The following SHANK2 variants were observed in gnomAD, a reference collection of about 807,000 sequenced individuals.
SHANK2 encodes SH3 and multiple ankyrin repeat domains protein 2.
Under a neutral mutation model 133.7 loss-of-function variants are expected in SHANK2, and 43 were observed. The observed-to-expected ratio is 0.32, with a 90% CI of 0.25 to 0.41. The LOEUF (loss-of-function observed/expected upper bound fraction) is 0.41, where lower values mean the gene tolerates loss of function less well. SHANK2 is among the 10% of genes least tolerant of loss of function. SHANK2 has a pLI of 1.00. For synonymous variants in SHANK2, 1,017 were observed against 952.8 expected, an observed-to-expected ratio of 1.07 and a Z score of -1.24; for missense variants, 1,994 against 2,235.8, an observed-to-expected ratio of 0.89 and a Z score of 2.18.
chr11:70,518,302 C>A (rs2059290048), intron 17 of SHANK2, among the ~76,000 whole-genome samples: 1 of 152,200 alleles, frequency 6.6e-6, no homozygotes, highest in African/African-American at 2.4e-5. Context: ...GGGAGATTAG[C>A]TGCAGTTAGC....
chr11:70,723,160 A>C (rs145386272), intron 14 of SHANK2, among the ~76,000 whole-genome samples: 4 of 152,296 alleles, frequency 2.6e-5, no homozygotes, highest in Middle Eastern at 3.4e-3. Flanking sequence ...TTCTCTCCCA[A>C]TGAGCATGGG....
At chr11:71,216,982 A>C (rs1362345794) in intron 2 of SHANK2, among the ~76,000 whole-genome samples, 3 of 152,000 alleles carry the variant, frequency 2.0e-5, no homozygotes, top group Admixed American at 2.0e-4. Context: ...GGATTAGCTG[A>C]GGTCAGGAGT....
chr11:70,667,249 G>A (rs556155417), intron 15 of SHANK2, among the ~76,000 whole-genome samples: 16 of 152,270 alleles, frequency 1.1e-4, no homozygotes, highest in South Asian at 4.2e-4. Flanking sequence ...TTGGCTTCCC[G>A]GAGACACAAC....
In SHANK2 at chr11:71,197,828, G is replaced by A. The variant is rs1285989635; in HGVS notation, c.-13+26869C>T. Among the ~76,000 whole-genome samples, 9 of 152,278 alleles carry A rather than the reference G, an allele frequency of 5.9e-5. No individual in the cohort carries two copies. In the East Asian group the frequency reaches 1.2e-3, roughly 20 times the overall value. ...TTTTATAAAACACTGTTGATTAACCGAAAGGCCATTTCTGAGCCACATCGC... is the reference window on the plus strand; with the variant it reads ...TTTTATAAAACACTGTTGATTAACCAAAAGGCCATTTCTGAGCCACATCGC... On this transcript the variant is annotated intron_variant, in intron 2 of 25. Transcript: ENST00000601538.
Position 70,502,192 on chromosome 11 carries a change from G to C in SHANK2, c.2278+14C>G, listed in dbSNP as rs1555158786. 1 of 1,553,494 alleles carries C rather than the reference G, an allele frequency of 6.4e-7. No individual in the cohort carries two copies. The highest frequency in any genetic ancestry group is 1.4e-5 in the African/African-American group (1 of 73,594). On this transcript the variant is annotated intron_variant, in intron 19 of 25. Transcript: ENST00000601538. ...ATGGTGACTGTACAGGGCTGGGCCG[G>C]GTGTGCGACTTACCGAGCTCCTCCA... is the stretch of plus-strand genomic sequence containing the variant.
intron 9 of SHANK2, among the ~76,000 whole-genome samples, chr11:71,059,454 G>A (rs1342777830): frequency 2.0e-5 from 3 of 152,324 alleles, no homozygotes; most frequent in East Asian, 3.9e-4. Flanking sequence ...TCATGGAGCT[G>A]TACACTTTAG....
chr11:70,692,043 A>G (rs1945300759), intron 15 of SHANK2, among the ~76,000 whole-genome samples: 1 of 152,236 alleles, frequency 6.6e-6, no homozygotes, highest in African/African-American at 2.4e-5. Context: ...CCTTCAGTTG[A>G]GAGTAAGGAA....
chr11:70,880,328 G>C (rs1949640267), intron 11 of SHANK2, among the ~76,000 whole-genome samples: 1 of 152,234 alleles, frequency 6.6e-6, no homozygotes, highest in Admixed American at 6.5e-5. Context: ...AGCTGGGGAG[G>C]AGACCGGGCT....
intron 14 of SHANK2, among the ~76,000 whole-genome samples, chr11:70,719,779 C>G (rs1312007502): frequency 1.3e-5 from 2 of 151,270 alleles, no homozygotes; most frequent in African/African-American, 2.4e-5. Context: ...GACACGGCAG[C>G]ACACGAGATC....
Position 70,808,489 on chromosome 11 carries a change from A to T in SHANK2, c.1494-1318T>A, listed in dbSNP as rs4426149. ...AGTGCTGAAGTTACAGGTGTGAGAC[A>T]CCGCACCTGGCCTATTTTGCCACTA... On this transcript the variant is annotated intron_variant, in intron 12 of 25. Coordinates refer to ENST00000601538, the MANE Select transcript of SHANK2 (RefSeq NM_012309.5). Among the ~76,000 whole-genome samples the T allele has an allele frequency of 4.3e-5, 6 of 141,012 alleles. No homozygotes were observed. In the Admixed American group the frequency reaches 4.8e-4, roughly 11 times the overall value. The allele number at this position is 141,012 out of a possible 152,430, so 92.5% of individuals were successfully genotyped here.
intron 2 of SHANK2, among the ~76,000 whole-genome samples, chr11:71,197,124 C>T (rs782079866): frequency 9.9e-5 from 15 of 152,148 alleles, no homozygotes; most frequent in Non-Finnish European, 1.8e-4. Context: ...TAAATCTCTG[C>T]CCTGGGAGAC....
chr11:70,775,527 C>T (rs373608312), intron 14 of SHANK2, among the ~76,000 whole-genome samples: 2 of 152,170 alleles, frequency 1.3e-5, no homozygotes, highest in African/African-American at 4.8e-5. Flanking sequence ...CTGGAGGTTG[C>T]GTCTGCTGAA....
intron 14 of SHANK2, among the ~76,000 whole-genome samples, chr11:70,712,700 C>G (rs1266074781): frequency 6.6e-6 from 1 of 152,260 alleles, no homozygotes; most frequent in African/African-American, 2.4e-5. Flanking sequence ...CTCACTCAGA[C>G]TGAGCCGCCA....
At chr11:70,541,789 A>T (rs1483795333) in intron 17 of SHANK2, among the ~76,000 whole-genome samples, 1 of 152,222 alleles carries the variant, frequency 6.6e-6, no homozygotes, top group Non-Finnish European at 1.5e-5. Context: ...CCTACAAAGC[A>T]CAGGACAGTC....
chr11:70,502,103 G>C (rs149801386), intron 19 of SHANK2, 103 bp downstream of exon 19: 68 of 1,362,362 alleles, frequency 5.0e-5, no homozygotes, highest in Non-Finnish European at 6.8e-5. Flanking sequence ...CAGGAGGGGG[G>C]TAGCGAGCAA....
In SHANK2 at chr11:70,485,276, C is replaced by G. The variant is rs550858114; in HGVS notation, c.4979+38G>C. 3.8e-6 allele frequency: 6 copies of G among 1,567,066 alleles called. No individual in the cohort carries two copies. The African/African-American group carries it at 8.1e-5, about 21-fold the overall frequency. ...TTTCCTGGTCAGCAGGGACAGTGCA[C>G]GCAGAGCGGTGTGCATGTGCACCAA... is the stretch of plus-strand genomic sequence containing the variant. On this transcript the variant is annotated intron_variant, in intron 25 of 25. Transcript: ENST00000601538. This position sits in a 1 kb window ranked among gnomAD's most constrained non-coding sequence, Gnocchi z 5.8.
At chr11:71,243,619 C>T (rs369924300) in intron 1 of SHANK2, among the ~76,000 whole-genome samples, 1 of 152,086 alleles carries the variant, frequency 6.6e-6, no homozygotes, top group Middle Eastern at 3.2e-3. Context: ...GGTGTAAGCC[C>T]GGGAGGCGGA....
chr11:70,931,986 G>A (rs1263027470), intron 10 of SHANK2, among the ~76,000 whole-genome samples: 2 of 152,132 alleles, frequency 1.3e-5, no homozygotes, highest in African/African-American at 2.4e-5. Context: ...GAGCCTCTAC[G>A]TGCAGTATTT....
intron 11 of SHANK2, among the ~76,000 whole-genome samples, chr11:70,854,143 C>T (rs1299869100): frequency 3.3e-5 from 5 of 152,196 alleles, no homozygotes; most frequent in African/African-American, 7.2e-5. Context: ...CATATGTACA[C>T]GCATTTACCC....
Sources: allele counts gnomAD v4.1 joint callset (sites outside exome capture counted in the v4.1 genomes callset), GRCh38; gene constraint gnomAD v4.1.1; non-coding constraint Gnocchi (gnomAD v3.1); transcripts MANE v1.5; gene names NCBI Gene and HGNC (gene_info 2026-07-23, HGNC 2026-07-21).